TMEM108: variants seen among roughly 807,000 people sequenced by gnomAD.
TMEM108 encodes the protein transmembrane protein 108, also known as cancer/testis antigen 124.
A neutral mutation model predicts 35.1 loss-of-function variants in TMEM108; 12 were observed. The observed-to-expected ratio is 0.34, with a 90% confidence interval of 0.22 to 0.55. The LOEUF is 0.55. Ranked by LOEUF, TMEM108 falls within the 20% of genes least tolerant of loss-of-function variation. TMEM108 has a pLI of 0.89. For missense variants in TMEM108, 680 were observed against 753.3 expected, an observed-to-expected ratio of 0.90 and a Z score of 1.14; for synonymous variants, 287 against 308.6, an observed-to-expected ratio of 0.93 and a Z score of 0.73.
intron 3 of TMEM108, among the ~76,000 whole-genome samples, chr3:133,329,028 C>A (rs2071363512): frequency 6.6e-6 from 1 of 151,848 alleles, no homozygotes; most frequent in Non-Finnish European, 1.5e-5. Flanking sequence ...CCAACCCCTG[C>A]AGGCTGCCTA....
chr3:133,242,394 GA>G (rs1946325909), intron 3 of TMEM108, among the ~76,000 whole-genome samples: 1 of 152,210 alleles, frequency 6.6e-6, no homozygotes, highest in African/African-American at 2.4e-5. Flanking sequence ...TGAAGAGATG[GA>G]ACCATGAGTT....
chr3:133,309,340 G>A (rs915107379), intron 3 of TMEM108, among the ~76,000 whole-genome samples: 51 of 152,034 alleles, frequency 3.4e-4, no homozygotes, highest in Non-Finnish European at 5.9e-4. Flanking sequence ...TTTTTGAAGG[G>A]TTTTTTGTGT....
intron 3 of TMEM108, among the ~76,000 whole-genome samples, chr3:133,374,815 G>A (rs1323653536): frequency 6.6e-6 from 1 of 152,154 alleles, no homozygotes; most frequent in African/African-American, 2.4e-5. Flanking sequence ...CAAGACAGAA[G>A]AAAAGTCAAG....
At chr3:133,331,958 T>C (rs778810536) in intron 3 of TMEM108, among the ~76,000 whole-genome samples, 1 of 152,220 alleles carries the variant, frequency 6.6e-6, no homozygotes, top group Non-Finnish European at 1.5e-5. Context: ...GTATAGACCA[T>C]AGTCACACTT....
intron 3 of TMEM108, among the ~76,000 whole-genome samples, chr3:133,355,001 G>A (rs1385460043): frequency 6.6e-6 from 1 of 152,106 alleles, no homozygotes; most frequent in Non-Finnish European, 1.5e-5. Flanking sequence ...ACTCATGGGA[G>A]GAAGGGTAGG....
intron 2 of TMEM108, among the ~76,000 whole-genome samples, chr3:133,197,775 G>A (rs1011263716): frequency 6.6e-6 from 1 of 152,090 alleles, no homozygotes; most frequent in South Asian, 2.1e-4. Context: ...TATGAGCCAG[G>A]GTACAGAGGT....
intron 4 of TMEM108, among the ~76,000 whole-genome samples, chr3:133,383,727 C>T (rs2073073422): frequency 6.6e-6 from 1 of 152,204 alleles, no homozygotes; most frequent in Non-Finnish European, 1.5e-5. Flanking sequence ...GAGGATTCTT[C>T]TGGCACCCTG....
chr3:133,393,592 A>G (rs1031069296), intron 5 of TMEM108, among the ~76,000 whole-genome samples: 46 of 152,376 alleles, frequency 3.0e-4, no homozygotes, highest in Middle Eastern at 6.8e-3. Flanking sequence ...ACGAGGGGCC[A>G]GCTTCACTGC....
chr3:133,306,560 C>T (rs889097645), intron 3 of TMEM108, among the ~76,000 whole-genome samples: 1 of 152,132 alleles, frequency 6.6e-6, no homozygotes, highest in Non-Finnish European at 1.5e-5. Context: ...TGTTCACCGC[C>T]CTGTGTCCAA....
intron 2 of TMEM108, among the ~76,000 whole-genome samples, chr3:133,202,595 A>T (rs1945686607): frequency 6.6e-6 from 1 of 152,104 alleles, no homozygotes; most frequent in Non-Finnish European, 1.5e-5. Context: ...CAAAGATCAG[A>T]TGGTTGTAGA....
rs532487979 is a variant in TMEM108, at chr3:133,390,308, G to C, written c.1579G>C (p.Glu527Gln). Residue 527 changes from glutamate to glutamine, a missense_variant, in exon 5 of 6, where the codon GAG (glutamate) becomes CAG (glutamine). Physicochemically the swap from Glu to Gln is conservative, Grantham distance 29. Around this residue, in one of 3 missense-constraint regions of TMEM108, gnomAD observed 105 missense variants for 150.7 expected, o/e 0.70. Coordinates refer to ENST00000321871, the MANE Select transcript of TMEM108 (RefSeq NM_023943.4). ...FNRHAVELPR[E>Q]IQSLETSEDQ... ...CAGGCATGCTGTGGAGCTGCCCAGG[G>C]AGATCCAGTCCCTTGAAACCTCTGA... The C allele has an allele frequency of 1.0e-4, 164 of 1,614,202 alleles. 1 individual carries two copies. The South Asian group carries it at 1.7e-3, about 17-fold the overall frequency.
intron 2 of TMEM108, among the ~76,000 whole-genome samples, chr3:133,121,915 A>C (rs1944357636): frequency 6.6e-6 from 1 of 152,156 alleles, no homozygotes; most frequent in African/African-American, 2.4e-5. Context: ...AGCTGAAAAA[A>C]ATATTATACC....
At chr3:133,212,366 CT>C (rs1945844596) in intron 2 of TMEM108, among the ~76,000 whole-genome samples, 1 of 152,064 alleles carries the variant, frequency 6.6e-6, no homozygotes, top group Admixed American at 6.5e-5. Flanking sequence ...TAGAAAAGAT[CT>C]GTTTGGTGTG....
intron 2 of TMEM108, among the ~76,000 whole-genome samples, chr3:133,132,690 T>C (rs370428268): frequency 3.3e-4 from 50 of 152,300 alleles, no homozygotes; most frequent in African/African-American, 1.1e-3. Flanking sequence ...TTTCAAGTCT[T>C]ATTATTTAAG....
At chr3:133,056,330 G>A (rs1478461616) in intron 2 of TMEM108, among the ~76,000 whole-genome samples, 1 of 152,154 alleles carries the variant, frequency 6.6e-6, no homozygotes, top group East Asian at 1.9e-4. Context: ...TGACCGCTTG[G>A]TAGCATTGAT....
At chr3:133,325,129 A>T (rs990946977) in intron 3 of TMEM108, among the ~76,000 whole-genome samples, 8 of 152,180 alleles carry the variant, frequency 5.3e-5, no homozygotes, top group Admixed American at 1.3e-4. Context: ...GTATATGTAC[A>T]CCATGGAGAG....
chr3:133,350,493 C>G (rs2071960521), intron 3 of TMEM108, among the ~76,000 whole-genome samples: 1 of 152,054 alleles, frequency 6.6e-6, no homozygotes. Context: ...ATGCTAAATA[C>G]CCTGATTTGA....
At chr3:133,153,121 A>C (rs867326719) in intron 2 of TMEM108, among the ~76,000 whole-genome samples, 16 of 152,050 alleles carry the variant, frequency 1.1e-4, no homozygotes, top group African/African-American at 3.9e-4. Flanking sequence ...TGTGTCAAAC[A>C]CCATTCTAAA....
At chr3:133,145,820 C>T (rs982520744) in intron 2 of TMEM108, among the ~76,000 whole-genome samples, 1 of 152,126 alleles carries the variant, frequency 6.6e-6, no homozygotes, top group African/African-American at 2.4e-5. Flanking sequence ...GATTTTGTAC[C>T]TTGAGACTTT....
Sources: gnomAD v4.1 joint callset for allele counts (sites outside exome capture counted in the v4.1 genomes callset) on GRCh38, gnomAD v4.1.1 for gene constraint, gnomAD v4.1.1 regional missense constraint, MANE v1.5 for transcripts, NCBI Gene and HGNC (gene_info 2026-07-23, HGNC 2026-07-21) for gene names.